SLC14A1: variants seen among roughly 807,000 people sequenced by gnomAD.
SLC14A1 encodes the protein solute carrier family 14 member 1 (Kidd blood group).
Under a neutral mutation model 39.6 loss-of-function variants are expected in SLC14A1, and 36 were observed. That is an observed-to-expected ratio of 0.91 (90% CI 0.70 to 1.20). The LOEUF is 1.20. SLC14A1 is among the 50% of genes most tolerant of loss of function. SLC14A1 has a pLI of 0.00. For synonymous variants in SLC14A1, 164 were observed against 173.6 expected, an observed-to-expected ratio of 0.94 and a Z score of 0.43; for missense variants, 469 against 478.7, an observed-to-expected ratio of 0.98 and a Z score of 0.19.
rs187424426 is a variant in SLC14A1 at position 45,742,309 on chromosome 18, G to A, written c.946+2647G>A. On this transcript the variant is annotated intron_variant, in intron 8 of 9. Coordinates refer to ENST00000321925, the MANE Select transcript of SLC14A1 (RefSeq NM_015865.7). ...CATTTTGAGCACAGGAGATGGCGAC[G>A]AGGTTTTTGTTTTTCTGGGTTTTTT... 4.3e-3 allele frequency among the ~76,000 whole-genome samples: 657 copies of A among 151,700 alleles called. 12 individuals carry two copies. Among genetic ancestry groups the A allele is most frequent in the Admixed American group, 3.7e-3 (57 of 15,236 alleles).
chr18:45,749,254 G>A (rs1478640086), intron 9 of SLC14A1, among the ~76,000 whole-genome samples: 1 of 152,140 alleles, frequency 6.6e-6, no homozygotes, highest in East Asian at 1.9e-4. Context: ...AACCAATGGT[G>A]TATGCTCAGA....
intron 2 of SLC14A1, chr18:45,729,778 T>G (rs935150334): frequency 6.6e-5 from 10 of 152,396 alleles, no homozygotes; most frequent in Admixed American, 5.2e-4. Flanking sequence ...TCCCTTTCAA[T>G]CTTTTAAAAA....
At chr18:45,734,702 C>T (rs762065158) in intron 5 of SLC14A1, among the ~76,000 whole-genome samples, 8 of 152,070 alleles carry the variant, frequency 5.3e-5, no homozygotes, top group South Asian at 4.2e-4. Flanking sequence ...ATTGCGTCAC[C>T]GCACTCCAGT....
chr18:45,731,165 T>C lies in SLC14A1; in HGVS notation c.302T>C (p.Val101Ala). 1 of 1,614,072 alleles carries C rather than the reference T, an allele frequency of 6.2e-7. No individual in the cohort carries two copies. The highest frequency in any genetic ancestry group is 8.5e-7 in the Non-Finnish European group (1 of 1,179,982). The change falls in exon 4 of 10, where the codon GTG becomes GCG. Residue 101 changes from valine to alanine, a missense_variant. Coordinates refer to ENST00000321925, the MANE Select transcript of SLC14A1 (RefSeq NM_015865.7). ...WWALTGWLGT[V>A]VSTLMALLLS... ...GCTCTCACTGGCTGGCTGGGAACAG[T>C]GGTCTCCACTCTGATGGCCCTCTTG... is the stretch of plus-strand genomic sequence containing the variant.
At position 45,730,863 on chromosome 18, in the gene SLC14A1, T is replaced by G. The variant is rs1022455449; in HGVS notation, c.152-152T>G. On this transcript the variant is annotated intron_variant, in intron 3 of 9. Transcript: ENST00000321925. ...AGGCTTTCAGGGATCTGGGTGCCAC[T>G]AATGCAACAATGGGTTGAGAGAGAA... 17 of 738,586 alleles carry G rather than the reference T, an allele frequency of 2.3e-5. No homozygotes were observed. In the Admixed American group the frequency reaches 3.4e-4, roughly 15 times the overall value. The allele number at this position is 738,586 out of a possible 1,614,324, so 45.8% of individuals were successfully genotyped here.
intron 8 of SLC14A1, chr18:45,739,899 C>A (rs1022735165): frequency 1.7e-6 from 1 of 578,914 alleles, no homozygotes; most frequent in Non-Finnish European, 3.1e-6. Context: ...TATTAATATC[C>A]TAAAACATGG....
Position 45,750,113 on chromosome 18 carries a change from C to T in SLC14A1, c.*162C>T. On this transcript the variant is annotated 3_prime_UTR_variant, in exon 10 of 10. Transcript: ENST00000321925. ...CTCATTTTGTATTTTCCTTTCAACT[C>T]CAGGAATATCCTTGAGCATATGAGA... 6.6e-7 allele frequency: 1 copy of T among 1,512,080 alleles called. No homozygotes were observed. The allele number at this position is 1,512,080 out of a possible 1,614,324, so 93.7% of individuals were successfully genotyped here.
At chr18:45,740,189 G>A (rs750079362) in intron 8 of SLC14A1, among the ~76,000 whole-genome samples, 19 of 152,174 alleles carry the variant, frequency 1.2e-4, no homozygotes, top group East Asian at 3.9e-4. Context: ...CTTGTCTTGC[G>A]TTCTTCAAAC....
chr18:45,745,752 G>T (rs1286702474), intron 8 of SLC14A1, among the ~76,000 whole-genome samples: 2 of 152,176 alleles, frequency 1.3e-5, no homozygotes, highest in African/African-American at 4.8e-5. Flanking sequence ...TTCCACTGCT[G>T]CCAGCAGTGT....
chr18:45,730,420 G>A lies in SLC14A1; in HGVS notation c.100G>A (p.Ala34Thr), dbSNP rs772711600. 1.4e-5 allele frequency: 23 copies of A among 1,614,040 alleles called. No individual in the cohort carries two copies. The highest frequency in any genetic ancestry group is 1.7e-5 in the Non-Finnish European group (20 of 1,180,034). Residue 34 changes from alanine to threonine, a missense_variant, in exon 3 of 10, where the codon GCT (alanine) becomes ACT (threonine). Transcript: ENST00000321925. ...PCQGRRCFPK[A>T]LGYVTGDMKE... ...TCAAGGGAGAAGGTGCTTCCCCAAA[G>A]CTCTTGGCTATGTCACCGGTGACAT...
At chr18:45,725,174 C>T (rs1205904311) in intron 2 of SLC14A1, among the ~76,000 whole-genome samples, 161 bp downstream of exon 2, 1 of 152,130 alleles carries the variant, frequency 6.6e-6, no homozygotes, top group Non-Finnish European at 1.5e-5. Context: ...TCCAATTGCA[C>T]AAATTTCTAA....
intron 8 of SLC14A1, among the ~76,000 whole-genome samples, chr18:45,742,353 G>T (rs201582157): frequency 0.041 from 4,798 of 118,006 alleles, 169 homozygotes; most frequent in East Asian, 0.19. Context: ...TTGTTTTTTG[G>T]TTTTTTTTTT....
intron 8 of SLC14A1, 106 bp downstream of exon 8, chr18:45,739,768 G>A: frequency 6.7e-7 from 1 of 1,490,872 alleles, no homozygotes; most frequent in Non-Finnish European, 9.3e-7. Flanking sequence ...CAGGGTTCTG[G>A]CTTGAGCCCA....
At chr18:45,733,222 C>G (rs1014023475) in intron 4 of SLC14A1, among the ~76,000 whole-genome samples, 1 of 152,140 alleles carries the variant, frequency 6.6e-6, no homozygotes, top group Non-Finnish European at 1.5e-5. Context: ...TGTAACAAAC[C>G]TGCACATGTA....
chr18:45,731,533 G>T, intron 4 of SLC14A1: 1 of 366,578 alleles, frequency 2.7e-6, no homozygotes. Context: ...CATTCTATTT[G>T]GGAAAAAGTG....
At chr18:45,748,474 C>A in intron 9 of SLC14A1, 49 bp downstream of exon 9, 1 of 1,585,950 alleles carries the variant, frequency 6.3e-7, no homozygotes, top group Non-Finnish European at 8.7e-7. Context: ...GACCAGCTTA[C>A]AACTATATGG....
chr18:45,736,112 G>A (rs2047185945), intron 5 of SLC14A1, among the ~76,000 whole-genome samples: 1 of 152,210 alleles, frequency 6.6e-6, no homozygotes, highest in Non-Finnish European at 1.5e-5. Context: ...ATAAGAGCAA[G>A]TGGAGGGACA....
intron 2 of SLC14A1, among the ~76,000 whole-genome samples, chr18:45,728,192 C>T (rs188206569): frequency 1.3e-5 from 2 of 152,292 alleles, no homozygotes; most frequent in East Asian, 1.9e-4. Flanking sequence ...AGACTCGGGC[C>T]GCTCAGGCTC....
In SLC14A1 at chr18:45,731,046, G is replaced by T; in HGVS notation, c.183G>T (p.Trp61Cys). The T allele has an allele frequency of 6.2e-7, 1 of 1,614,132 alleles. No individual in the cohort carries two copies. Among genetic ancestry groups the T allele is most frequent in the Non-Finnish European group, 8.5e-7 (1 of 1,180,014 alleles). The part of the protein sequence containing the change: ...DKPVVLQFID[W>C]ILRGISQVVF... The stretch of plus-strand genomic sequence containing the variant: ...CCGTGGTGCTCCAGTTCATTGACTG[G>T]ATTCTCCGGGGCATATCCCAAGTGG... Residue 61 changes from tryptophan (W) to cysteine (C), a missense_variant, in exon 4 of 10, where the codon TGG (tryptophan) becomes TGT (cysteine). Transcript: ENST00000321925.
Sources: gnomAD v4.1 joint callset for allele counts (sites outside exome capture counted in the v4.1 genomes callset) on GRCh38, gnomAD v4.1.1 for gene constraint, MANE v1.5 for transcripts, NCBI Gene and HGNC (gene_info 2026-07-23, HGNC 2026-07-21) for gene names.